The following MAP2K3 variants were observed in gnomAD, a reference collection of about 807,000 sequenced individuals.
MAP2K3 encodes the protein dual specificity mitogen-activated protein kinase kinase 3.
A neutral mutation model predicts 46.4 loss-of-function variants in MAP2K3; 30 were observed. That is an observed-to-expected ratio of 0.65 (90% CI 0.48 to 0.88). The LOEUF (loss-of-function observed/expected upper bound fraction) is 0.88, where lower values mean the gene tolerates loss of function less well. MAP2K3 is among the 40% of genes least tolerant of loss of function. The pLI is 0.00. For synonymous variants in MAP2K3, 189 were observed against 176.3 expected (o/e 1.07, Z -0.57); for missense variants, 380 against 464.5 (o/e 0.82, Z 1.67).
intron 7 of MAP2K3, 152 bp downstream of exon 7, chr17:21,303,386 C>G: frequency 9.2e-7 from 1 of 1,085,538 alleles, no homozygotes; most frequent in Admixed American, 2.1e-5. Context: ...CCACCTGCAG[C>G]CCTGCAGCTG....
chr17:21,302,343 T>C (rs76165275), intron 6 of MAP2K3, 84 bp downstream of exon 6: 5 of 1,423,616 alleles, frequency 3.5e-6, no homozygotes, highest in Non-Finnish European at 4.9e-6. Context: ...AGCCTGCCTA[T>C]TGATGGTGTC....
intron 9 of MAP2K3, among the ~76,000 whole-genome samples, chr17:21,309,151 C>G (rs1290838583): frequency 1.3e-5 from 2 of 152,312 alleles, no homozygotes; most frequent in Non-Finnish European, 2.9e-5. Context: ...CTCACATTGG[C>G]CTGCTCCCTG....
chr17:21,294,955 T>C (rs1976155995), intron 1 of MAP2K3, among the ~76,000 whole-genome samples: 1 of 152,308 alleles, frequency 6.6e-6, no homozygotes. Flanking sequence ...GCTGACTGGC[T>C]CTCTGAGATG....
intron 1 of MAP2K3, among the ~76,000 whole-genome samples, chr17:21,289,168 T>C (rs1975810668): frequency 6.6e-6 from 1 of 152,178 alleles, no homozygotes; most frequent in African/African-American, 2.4e-5. Flanking sequence ...TTACCAGGCT[T>C]TAGGGCCTCT....
chr17:21,307,667 CTTTAT>C (rs1976961556), intron 9 of MAP2K3, among the ~76,000 whole-genome samples: 2 of 152,224 alleles, frequency 1.3e-5, no homozygotes, highest in Non-Finnish European at 2.9e-5. Context: ...GTGGTTATAA[CTTTAT>C]TTATTTTTAA....
chr17:21,301,483 C>T (rs932446312), intron 5 of MAP2K3, among the ~76,000 whole-genome samples: 2 of 152,306 alleles, frequency 1.3e-5, no homozygotes, highest in South Asian at 2.1e-4. Context: ...GCAGGGAGGC[C>T]GGGAGCCTAG....
At chr17:21,307,368 A>T (rs1395291705) in intron 9 of MAP2K3, among the ~76,000 whole-genome samples, 6 of 152,410 alleles carry the variant, frequency 3.9e-5, no homozygotes, top group African/African-American at 1.4e-4. Flanking sequence ...GGGGTGGAGA[A>T]GACTGGAGCA....
chr17:21,286,539 G>A (rs1430435926), intron 1 of MAP2K3, among the ~76,000 whole-genome samples: 1 of 152,206 alleles, frequency 6.6e-6, no homozygotes, highest in Non-Finnish European at 1.5e-5. Flanking sequence ...AACTCGGGAG[G>A]CACTCGACGG....
chr17:21,312,026 A>G, intron 9 of MAP2K3, 116 bp from the exon 10 acceptor site: 1 of 1,001,892 alleles, frequency 1.0e-6, no homozygotes. Context: ...TCAGCTGTGC[A>G]GCTTTGACGC....
At chr17:21,291,638 G>C (rs1975945670) in intron 1 of MAP2K3, 1 of 455,156 alleles carries the variant, frequency 2.2e-6, no homozygotes, top group Non-Finnish European at 4.4e-6. Context: ...CTGAGCATGG[G>C]GCCTGCCCCA....
chr17:21,303,587 A>T (rs1976726072), intron 7 of MAP2K3, among the ~76,000 whole-genome samples: 1 of 152,312 alleles, frequency 6.6e-6, no homozygotes, highest in Non-Finnish European at 1.5e-5. Context: ...ACCCCCTCCC[A>T]GAATGTTCTC....
chr17:21,286,035 G>A (rs1246596080), intron 1 of MAP2K3, among the ~76,000 whole-genome samples: 2 of 152,170 alleles, frequency 1.3e-5, no homozygotes, highest in Non-Finnish European at 2.9e-5. Flanking sequence ...ACCTGCAGCT[G>A]CTTCACCCCA....
chr17:21,307,412 A>T (rs1976944546), intron 9 of MAP2K3, among the ~76,000 whole-genome samples: 1 of 151,962 alleles, frequency 6.6e-6, no homozygotes. Context: ...GTGGAAGGCC[A>T]CTGTTGCAGA....
chr17:21,285,225 C>T, intron 1 of MAP2K3: 1 of 985,014 alleles, frequency 1.0e-6, no homozygotes, highest in Non-Finnish European at 1.2e-6. Flanking sequence ...CTTTGTTCTG[C>T]TCACCCCATC....
chr17:21,291,414 C>G (rs555754757), intron 1 of MAP2K3: 6 of 455,094 alleles, frequency 1.3e-5, no homozygotes, highest in South Asian at 9.3e-5. Flanking sequence ...GGCGTTTGTT[C>G]AGGTTTGTTT....
Position 21,312,776 on chromosome 17 carries a change from G to A in MAP2K3, c.914+495G>A, listed in dbSNP as rs74701441. On this transcript the variant is annotated intron_variant, in intron 10 of 11. Transcript: ENST00000342679. ...CTAAAAATAGGAAAATTAGCCGGGC[G>A]TGGTGGCGCATGCCTATAATCCCAG... is the stretch of plus-strand genomic sequence containing the variant. 2.4e-3 allele frequency among the ~76,000 whole-genome samples: 359 copies of A among 152,240 alleles called. 2 individuals are homozygous for A. The highest frequency in any genetic ancestry group is 0.01 in the South Asian group (49 of 4,816).
chr17:21,307,090 T>G (rs1427383522), intron 9 of MAP2K3, among the ~76,000 whole-genome samples: 1 of 152,308 alleles, frequency 6.6e-6, no homozygotes, highest in Non-Finnish European at 1.5e-5. Flanking sequence ...CCACTGAAAG[T>G]TTTTATAGAG....
chr17:21,303,992 C>T (rs1321946096), intron 7 of MAP2K3, among the ~76,000 whole-genome samples: 3 of 152,232 alleles, frequency 2.0e-5, no homozygotes, highest in Admixed American at 6.5e-5. Flanking sequence ...GGCTGCTCTC[C>T]CATGCTGGTC....
intron 3 of MAP2K3, 139 bp downstream of exon 3, chr17:21,299,065 G>A (rs902159296): frequency 2.0e-5 from 26 of 1,273,812 alleles, no homozygotes; most frequent in Middle Eastern, 1.9e-4. Flanking sequence ...CTCGTCCTGC[G>A]CTGCTGGCTG....
Sources: allele counts gnomAD v4.1 joint callset (sites outside exome capture counted in the v4.1 genomes callset), GRCh38; gene constraint gnomAD v4.1.1; transcripts MANE v1.5; gene names NCBI Gene and HGNC (gene_info 2026-07-23, HGNC 2026-07-21).